The following TRAPPC12 variants were observed in gnomAD, a reference collection of about 807,000 sequenced individuals.
TRAPPC12 encodes the protein TPR repeat protein 15.
In TRAPPC12, 61 loss-of-function variants were observed where a neutral mutation model predicts 69.2. The observed-to-expected ratio is 0.88, with a 90% CI of 0.72 to 1.09. The LOEUF (loss-of-function observed/expected upper bound fraction) is 1.09. TRAPPC12 is among the 50% of genes least tolerant of loss of function. The probability of loss-of-function intolerance (pLI) is 0.00; values close to 1 mark genes in which losing one functional copy is unlikely to be tolerated. For synonymous variants in TRAPPC12, 469 were observed against 438.9 expected (o/e 1.07, Z -0.86); for missense variants, 1,101 against 1,016.4 (o/e 1.08, Z -1.13).
At chr2:3,433,483 CG>C (rs139267504) in intron 5 of TRAPPC12, among the ~76,000 whole-genome samples, 4,008 of 152,290 alleles carry the variant, frequency 0.026, 160 homozygotes, top group African/African-American at 0.091. Flanking sequence ...TGGGCCCTCC[CG>C]CCCTAGTTTG....
chr2:3,457,671 C>T lies in TRAPPC12; in HGVS notation c.1581C>T (p.Ser527=), dbSNP rs199541864. Residue 527 remains serine (S), a synonymous_variant, in exon 7 of 12, where the codon AGC becomes AGT. Transcript: ENST00000324266. ...QGLAEDGGMS[S]VTQEGRQASI... is the part of the protein sequence containing the mutation. ...TAGCAGAAGACGGCGGCATGAGCAG[C>T]GTGACTCAGGAGGGCAGACAAGGTG... is the stretch of plus-strand genomic sequence containing the variant. 1.5e-4 allele frequency: 239 copies of T among 1,611,356 alleles called. No homozygotes were observed. Among genetic ancestry groups the T allele is most frequent in the Non-Finnish European group, 1.9e-4 (221 of 1,179,980 alleles).
intron 9 of TRAPPC12, 21 bp downstream of exon 9, chr2:3,465,716 A>G (rs775954942): frequency 1.5e-5 from 24 of 1,573,756 alleles, no homozygotes; most frequent in Non-Finnish European, 2.1e-5. Flanking sequence ...ACGGTCAGAC[A>G]TGAGCCAGAA....
Position 3,421,893 on chromosome 2 carries a change from T to G in TRAPPC12, c.1177T>G (p.Trp393Gly). ...GLKQLISCRN[W>G]RAAVDLCGRL... ...CCGTGTCTTGCAGAGCTGCAGAAACTGGAGGGCAGCAGTGGACCTGTGCGG... is the reference window on the plus strand; with the variant it reads ...CCGTGTCTTGCAGAGCTGCAGAAACGGGAGGGCAGCAGTGGACCTGTGCGG... Residue 393 changes from tryptophan to glycine, a missense_variant, in exon 4 of 12, where the codon TGG becomes GGG. Physicochemically the swap from Trp to Gly is radical, Grantham distance 184. Transcript: ENST00000324266. 6.2e-7 allele frequency: 1 copy of G among 1,613,782 alleles called. No homozygotes were observed. The highest frequency in any genetic ancestry group is 1.3e-5 in the African/African-American group (1 of 75,064).
At chr2:3,440,473 A>G (rs1055146673) in intron 5 of TRAPPC12, among the ~76,000 whole-genome samples, 6 of 151,700 alleles carry the variant, frequency 4.0e-5, no homozygotes, top group Admixed American at 1.3e-4. Flanking sequence ...TTTAATTTCA[A>G]ATTCCCATCA....
intron 5 of TRAPPC12, among the ~76,000 whole-genome samples, chr2:3,432,227 C>T (rs1170503332): frequency 1.3e-5 from 2 of 152,220 alleles, no homozygotes; most frequent in Non-Finnish European, 2.9e-5. Context: ...GTAATGACGT[C>T]ACAGGAAATG....
chr2:3,456,809 G>A (rs1053535135), intron 6 of TRAPPC12: 1 of 258,204 alleles, frequency 3.9e-6, no homozygotes, highest in African/African-American at 2.4e-5. Context: ...TAACTCCTGG[G>A]CTCAAGTGAC....
chr2:3,465,833 A>T (rs1225256075), intron 9 of TRAPPC12, 138 bp downstream of exon 9: 3 of 683,236 alleles, frequency 4.4e-6, no homozygotes, highest in Non-Finnish European at 7.7e-6. Context: ...TGTGACCATG[A>T]AAAGGGTGGG....
chr2:3,380,276 C>T (rs1408461394), intron 1 of TRAPPC12, among the ~76,000 whole-genome samples: 7 of 152,058 alleles, frequency 4.6e-5, no homozygotes, highest in Non-Finnish European at 1.0e-4. Context: ...AGACTTAATT[C>T]ACCCTCCCGC....
At chr2:3,427,122 T>A (rs1188426721) in intron 5 of TRAPPC12, among the ~76,000 whole-genome samples, 1 of 152,242 alleles carries the variant, frequency 6.6e-6, no homozygotes, top group East Asian at 1.9e-4. Flanking sequence ...GCCTGGTAGC[T>A]ATCATAGTCA....
intron 5 of TRAPPC12, among the ~76,000 whole-genome samples, chr2:3,425,065 G>C (rs761736450): frequency 6.6e-6 from 1 of 152,348 alleles, no homozygotes; most frequent in Non-Finnish European, 1.5e-5. Flanking sequence ...GACATTTTCC[G>C]TTTGTCTCTA....
At chr2:3,464,172 T>C (rs896448853) in intron 8 of TRAPPC12, among the ~76,000 whole-genome samples, 3 of 151,128 alleles carry the variant, frequency 2.0e-5, no homozygotes, top group Non-Finnish European at 4.4e-5. Flanking sequence ...ACGCTCACAC[T>C]CATACACAAT....
At chr2:3,473,803 T>C (rs1355857825) in intron 9 of TRAPPC12, among the ~76,000 whole-genome samples, 1 of 152,260 alleles carries the variant, frequency 6.6e-6, no homozygotes, top group Non-Finnish European at 1.5e-5. Flanking sequence ...TGCAGACCTA[T>C]GCTTCTGTGA....
intron 2 of TRAPPC12, among the ~76,000 whole-genome samples, chr2:3,398,220 T>TA (rs1661232583): frequency 6.6e-6 from 1 of 152,186 alleles, no homozygotes; most frequent in South Asian, 2.1e-4. Context: ...CTGGGATGTA[T>TA]AGCTAGGTGT....
intron 3 of TRAPPC12, among the ~76,000 whole-genome samples, chr2:3,419,528 C>G (rs1662655004): frequency 6.6e-6 from 1 of 152,096 alleles, no homozygotes; most frequent in South Asian, 2.1e-4. Flanking sequence ...TGGCACCGAT[C>G]TCATCTTCAC....
chr2:3,477,974 T>C, intron 10 of TRAPPC12, 179 bp downstream of exon 10: 1 of 457,082 alleles, frequency 2.2e-6, no homozygotes, highest in African/African-American at 2.0e-5. Flanking sequence ...CGCAGTGATG[T>C]TCTTTTAGTC....
chr2:3,474,609 C>G (rs1395035951), intron 9 of TRAPPC12, among the ~76,000 whole-genome samples: 2 of 152,198 alleles, frequency 1.3e-5, no homozygotes, highest in African/African-American at 2.4e-5. Flanking sequence ...GTCGGAGCTC[C>G]AGGGCGGCGT....
chr2:3,441,919 T>C (rs1664231493), intron 5 of TRAPPC12, among the ~76,000 whole-genome samples: 2 of 152,320 alleles, frequency 1.3e-5, no homozygotes, highest in East Asian at 3.9e-4. Context: ...TATTTTCACA[T>C]GTGCTTTTAC....
chr2:3,384,232 A>C (rs1370426263), intron 1 of TRAPPC12, among the ~76,000 whole-genome samples: 1 of 152,108 alleles, frequency 6.6e-6, no homozygotes, highest in Non-Finnish European at 1.5e-5. Flanking sequence ...TTTTTGATGT[A>C]TTCTACATAA....
intron 5 of TRAPPC12, among the ~76,000 whole-genome samples, chr2:3,434,656 G>A (rs559297486): frequency 2.0e-5 from 3 of 152,344 alleles, no homozygotes; most frequent in African/African-American, 7.2e-5. Flanking sequence ...GGTTCCCATT[G>A]AGGGAAGCAT....
Sources: gnomAD v4.1 joint callset for allele counts (sites outside exome capture counted in the v4.1 genomes callset) on GRCh38, gnomAD v4.1.1 for gene constraint, MANE v1.5 for transcripts, NCBI Gene and HGNC (gene_info 2026-07-23, HGNC 2026-07-21) for gene names.